NEGR1: variants seen among roughly 807,000 people sequenced by gnomAD.
The protein encoded by NEGR1 is neuronal growth regulator 1, also known as IgLON family member 4.
Under a neutral mutation model 40.9 loss-of-function variants are expected in NEGR1, and 10 were observed. That is an observed-to-expected ratio of 0.24 (90% CI 0.15 to 0.42). NEGR1 has a LOEUF of 0.42. Ranked by LOEUF, NEGR1 falls within the 10% of genes least tolerant of loss-of-function variation. NEGR1 has a pLI of 1.00. For synonymous variants in NEGR1, 185 were observed against 166.8 expected, an observed-to-expected ratio of 1.11 and a Z score of -0.84; for missense variants, 352 against 438.9, an observed-to-expected ratio of 0.80 and a Z score of 1.77.
intron 1 of NEGR1, among the ~76,000 whole-genome samples, chr1:72,063,562 C>G (rs1647209356): frequency 1.3e-5 from 2 of 151,940 alleles, no homozygotes; most frequent in Admixed American, 6.6e-5. Context: ...GAATGAGTCA[C>G]TTATTCTAGC....
At chr1:72,074,513 G>A (rs912148246) in intron 1 of NEGR1, among the ~76,000 whole-genome samples, 2 of 151,492 alleles carry the variant, frequency 1.3e-5, no homozygotes, top group Non-Finnish European at 2.9e-5. Flanking sequence ...TTTCCCTCTC[G>A]GTCATGGCAC....
At chr1:71,419,993 A>T (rs1048208767) in intron 6 of NEGR1, among the ~76,000 whole-genome samples, 1 of 151,996 alleles carries the variant, frequency 6.6e-6, no homozygotes, top group Non-Finnish European at 1.5e-5. Context: ...AAACAGAGAG[A>T]GGTGTGCATT....
At position 71,844,067 on chromosome 1, in the gene NEGR1, G is replaced by T. The variant is rs747028643; in HGVS notation, c.410-67770C>A. 2.6e-4 allele frequency among the ~76,000 whole-genome samples: 40 copies of T among 152,104 alleles called. 1 individual carries two copies. The highest frequency in any genetic ancestry group is 1.3e-4 in the Non-Finnish European group (9 of 68,032). On this transcript the variant is annotated intron_variant, in intron 2 of 6. Transcript: ENST00000357731. ...CCAATGATAAGTGTCACATCCAATT[G>T]CCACCCTTACCAGAGGGAATAAAAT... is the stretch of plus-strand genomic sequence containing the variant.
intron 1 of NEGR1, among the ~76,000 whole-genome samples, chr1:72,067,620 A>C (rs1380075481): frequency 6.6e-6 from 1 of 152,124 alleles, no homozygotes; most frequent in Admixed American, 6.6e-5. Context: ...TCTGTGCTCT[A>C]GTTTGTCAAT....
intron 1 of NEGR1, among the ~76,000 whole-genome samples, chr1:72,156,354 C>A (rs954783371): frequency 1.3e-5 from 2 of 152,078 alleles, no homozygotes; most frequent in Non-Finnish European, 2.9e-5. Flanking sequence ...CTCCATTTCA[C>A]AAGGTTTCAA....
intron 4 of NEGR1, among the ~76,000 whole-genome samples, chr1:71,666,023 C>G (rs1305188759): frequency 6.6e-6 from 1 of 152,096 alleles, no homozygotes; most frequent in African/African-American, 2.4e-5. Context: ...CTAGAGACAG[C>G]CTCTACCTTC....
intron 6 of NEGR1, among the ~76,000 whole-genome samples, chr1:71,585,933 G>A (rs1649292430): frequency 6.6e-6 from 1 of 152,120 alleles, no homozygotes; most frequent in African/African-American, 2.4e-5. Flanking sequence ...ACATGAGAAG[G>A]ACAGAAGAGG....
intron 1 of NEGR1, among the ~76,000 whole-genome samples, chr1:72,056,454 A>G (rs1647111410): frequency 6.6e-6 from 1 of 151,358 alleles, no homozygotes; most frequent in African/African-American, 2.4e-5. Context: ...TTTCTTCTAA[A>G]CTTCTCAGAG....
chr1:71,667,695 A>G (rs907224201), intron 4 of NEGR1, among the ~76,000 whole-genome samples: 3 of 152,230 alleles, frequency 2.0e-5, no homozygotes, highest in African/African-American at 7.2e-5. Flanking sequence ...TTTTTAATTT[A>G]CCATTGAATT....
At chr1:72,119,877 C>A (rs78590455) in intron 1 of NEGR1, among the ~76,000 whole-genome samples, 2,924 of 152,058 alleles carry the variant, frequency 0.019, 45 homozygotes, top group South Asian at 0.042. Context: ...ACAATAGACA[C>A]TTGGTTACAC....
At chr1:71,793,183 CTT>C (rs749712938) in intron 2 of NEGR1, among the ~76,000 whole-genome samples, 10 of 92,738 alleles carry the variant, frequency 1.1e-4, no homozygotes, top group Admixed American at 1.2e-4. Flanking sequence ...TTGGGATGTT[CTT>C]TTTTTTTTTT....
chr1:71,908,501 A>T (rs888435677), intron 2 of NEGR1, among the ~76,000 whole-genome samples: 5 of 152,134 alleles, frequency 3.3e-5, no homozygotes, highest in Admixed American at 1.3e-4. Flanking sequence ...CACAGCCAGG[A>T]TCTTAGCACC....
chr1:71,857,668 T>C (rs962225709), intron 2 of NEGR1, among the ~76,000 whole-genome samples: 1 of 144,116 alleles, frequency 6.9e-6, no homozygotes, highest in East Asian at 2.1e-4. Flanking sequence ...TGAACCACAA[T>C]CTTCCTTGGA....
chr1:72,083,571 A>G (rs1000981898), intron 1 of NEGR1, among the ~76,000 whole-genome samples: 6 of 152,110 alleles, frequency 3.9e-5, no homozygotes, highest in African/African-American at 1.4e-4. Context: ...GATATACAAA[A>G]GTAACTGTTA....
chr1:71,799,572 G>T (rs1187665917), intron 2 of NEGR1, among the ~76,000 whole-genome samples: 7 of 152,148 alleles, frequency 4.6e-5, no homozygotes, highest in Non-Finnish European at 1.0e-4. Flanking sequence ...TAATGGGATT[G>T]CTGGATCAAA....
intron 4 of NEGR1, among the ~76,000 whole-genome samples, chr1:71,621,440 A>C (rs1050472871): frequency 6.6e-6 from 1 of 151,860 alleles, no homozygotes; most frequent in African/African-American, 2.4e-5. Context: ...AGTTACATTA[A>C]ACATATTGAT....
rs1399874993 is a variant in NEGR1 at position 71,403,798 on chromosome 1, G to A, written c.*3648C>T. ...AACAGTACAACATATTTTACATCAG[G>A]TTATGAAATATGGATGTTTTACTAA... On this transcript the variant is annotated 3_prime_UTR_variant, in exon 7 of 7. Transcript: ENST00000357731. The A allele has an allele frequency of 5.3e-6, 2 of 377,110 alleles. No homozygotes were observed. The highest frequency in any genetic ancestry group is 9.5e-6 in the Non-Finnish European group (2 of 210,738). 23.4% of individuals were successfully genotyped at this position (377,110 alleles called of 1,614,324 possible).
intron 6 of NEGR1, among the ~76,000 whole-genome samples, chr1:71,562,427 C>T (rs200506903): frequency 6.6e-6 from 1 of 151,338 alleles, no homozygotes; most frequent in Non-Finnish European, 1.5e-5. Flanking sequence ...ACCATTACCC[C>T]GTCACACTCT....
At chr1:71,754,897 C>G (rs188277975) in intron 3 of NEGR1, among the ~76,000 whole-genome samples, 141 of 152,254 alleles carry the variant, frequency 9.3e-4, no homozygotes, top group Admixed American at 2.6e-3. Context: ...TTGCTCTTGT[C>G]TTTCAAATCT....
Sources: gnomAD v4.1 joint callset for allele counts (sites outside exome capture counted in the v4.1 genomes callset) on GRCh38, gnomAD v4.1.1 for gene constraint, MANE v1.5 for transcripts, NCBI Gene and HGNC (gene_info 2026-07-23, HGNC 2026-07-21) for gene names.